EDA2R: variants seen among roughly 807,000 people sequenced by gnomAD.
The protein encoded by EDA2R is tumor necrosis factor receptor superfamily member 27.
EDA2R carries 26 observed loss-of-function variants against 20.1 expected under a neutral mutation model. That is an observed-to-expected ratio of 1.30 (90% confidence interval 0.95 to 1.80). The LOEUF is 1.80. EDA2R is among the 40% of genes most tolerant of loss of function. EDA2R has a pLI of 0.00. For missense variants in EDA2R, 277 were observed against 228.7 expected (o/e 1.21, Z -1.36); for synonymous variants, 114 against 88.7 (o/e 1.29, Z -1.60).
intron 2 of EDA2R, among the ~76,000 whole-genome samples, chrX:66,612,435 A>T: frequency 9.0e-6 from 1 of 111,617 alleles, no homozygotes; most frequent in Non-Finnish European, 1.9e-5. Context: ...AGATATTTCA[A>T]TACTTCACTT....
intron 5 of EDA2R, chrX:66,600,187 T>TA: frequency 1.5e-6 from 1 of 654,310 alleles, no homozygotes; most frequent in Non-Finnish European, 2.3e-6. Context: ...CTATGTACAT[T>TA]AAGTTACATG....
chrX:66,630,960 C>A (rs749132370), intron 1 of EDA2R, among the ~76,000 whole-genome samples: 4 of 108,861 alleles, frequency 3.7e-5, no homozygotes, highest in Non-Finnish European at 7.7e-5. Flanking sequence ...TGTGTGTATA[C>A]ATACATATAT....
intron 6 of EDA2R, 55 bp downstream of exon 6, chrX:66,599,419 C>T (rs1333583831): frequency 9.5e-7 from 1 of 1,057,764 alleles, no homozygotes. Flanking sequence ...TGAGGTTAGT[C>T]CTTAATTTCT....
At chrX:66,622,223 C>T (rs980404365) in intron 1 of EDA2R, among the ~76,000 whole-genome samples, 30 of 111,589 alleles carry the variant, frequency 2.7e-4, no homozygotes, top group African/African-American at 7.2e-4. Flanking sequence ...ATAATGTAGA[C>T]GATTAAGAAT....
intron 2 of EDA2R, among the ~76,000 whole-genome samples, chrX:66,610,894 C>T (rs1174341881): frequency 9.0e-6 from 1 of 111,417 alleles, no homozygotes; most frequent in African/African-American, 3.3e-5. Flanking sequence ...CCATAAGTAA[C>T]CAGCTCAAAT....
At chrX:66,608,456 T>C (rs1343311537) in intron 2 of EDA2R, among the ~76,000 whole-genome samples, 1 of 111,946 alleles carries the variant, frequency 8.9e-6, no homozygotes, top group African/African-American at 3.2e-5. Flanking sequence ...AGAGTGAAAT[T>C]ACTTGTCAAG....
chrX:66,604,033 C>T (rs772496121), intron 4 of EDA2R, among the ~76,000 whole-genome samples: 3 of 111,600 alleles, frequency 2.7e-5, no homozygotes, highest in Non-Finnish European at 5.7e-5. Context: ...GTTCTTCATT[C>T]AGCCTCTTAC....
intron 1 of EDA2R, among the ~76,000 whole-genome samples, chrX:66,632,612 A>G (rs1314573282): frequency 9.0e-6 from 1 of 110,578 alleles, no homozygotes; most frequent in African/African-American, 3.3e-5. Context: ...AGAGAAGAAA[A>G]AAAAAAAAAA....
At chrX:66,632,830 A>G (rs1454590336) in intron 1 of EDA2R, among the ~76,000 whole-genome samples, 1 of 112,016 alleles carries the variant, frequency 8.9e-6, no homozygotes, top group Non-Finnish European at 1.9e-5. Context: ...TAGAGACCAC[A>G]GGTGGGTACT....
At chrX:66,613,112 A>G (rs1931064691) in intron 2 of EDA2R, among the ~76,000 whole-genome samples, 1 of 111,701 alleles carries the variant, frequency 9.0e-6, no homozygotes, top group African/African-American at 3.2e-5. Context: ...AATGGTTTAT[A>G]CTGGGAATGC....
intron 6 of EDA2R, among the ~76,000 whole-genome samples, chrX:66,598,732 G>A (rs907656457): frequency 1.1e-4 from 12 of 112,310 alleles, no homozygotes; most frequent in African/African-American, 3.6e-4. Flanking sequence ...TAGGTTGGAT[G>A]CAGGGAGCAG....
At chrX:66,601,891 G>A (rs1001195173) in intron 5 of EDA2R, among the ~76,000 whole-genome samples, 2 of 111,385 alleles carry the variant, frequency 1.8e-5, no homozygotes, top group Non-Finnish European at 1.9e-5. Flanking sequence ...TTGTCTAGTA[G>A]CTGAAGTTGT....
At chrX:66,624,818 CT>C (rs1422916124) in intron 1 of EDA2R, among the ~76,000 whole-genome samples, 4 of 111,979 alleles carry the variant, frequency 3.6e-5, no homozygotes, top group Non-Finnish European at 7.5e-5. Flanking sequence ...ACTCCAAATA[CT>C]TTGAGCACTC....
chrX:66,633,132 G>T (rs773765763), intron 1 of EDA2R, among the ~76,000 whole-genome samples: 1 of 112,301 alleles, frequency 8.9e-6, no homozygotes, highest in Admixed American at 9.4e-5. Flanking sequence ...CTTCCACTTG[G>T]CCAAAAGTAA....
At chrX:66,602,941 T>A in intron 4 of EDA2R, 144 bp from the exon 5 acceptor site, 1 of 499,383 alleles carries the variant, frequency 2.0e-6, no homozygotes, top group Non-Finnish European at 3.2e-6. Flanking sequence ...TACTTCTTTC[T>A]AGAGCAGGCA....
intron 1 of EDA2R, among the ~76,000 whole-genome samples, chrX:66,628,221 G>A (rs1933308395): frequency 1.8e-5 from 2 of 110,906 alleles, no homozygotes; most frequent in African/African-American, 3.3e-5. Context: ...ACACCTATAT[G>A]GAAATGACTA....
intron 6 of EDA2R, among the ~76,000 whole-genome samples, chrX:66,598,444 A>G (rs771945970): frequency 4.5e-5 from 5 of 111,594 alleles, no homozygotes; most frequent in Non-Finnish European, 7.5e-5. Context: ...CGGGTACTAC[A>G]GGGAAAGCTC....
chrX:66,634,499 G>C (rs1934143817), intron 1 of EDA2R, among the ~76,000 whole-genome samples: 2 of 106,642 alleles, frequency 1.9e-5, no homozygotes, highest in African/African-American at 6.8e-5. Context: ...TCCATCATTT[G>C]TTTTTTTTTT....
intron 1 of EDA2R, among the ~76,000 whole-genome samples, chrX:66,624,180 A>G (rs1043953537): frequency 2.7e-5 from 3 of 112,149 alleles, no homozygotes; most frequent in Admixed American, 9.4e-5. Flanking sequence ...AGCTCAACAG[A>G]TCACCATCAC....
Sources: allele counts gnomAD v4.1 joint callset (sites outside exome capture counted in the v4.1 genomes callset), GRCh38; gene constraint gnomAD v4.1.1; transcripts MANE v1.5; gene names NCBI Gene and HGNC (gene_info 2026-07-23, HGNC 2026-07-21).